NALF1: variants seen among roughly 807,000 people sequenced by gnomAD.
NALF1 encodes the protein NALCN channel auxiliary factor 1, also known as family with sequence similarity 155 member A.
A neutral mutation model predicts 48.4 loss-of-function variants in NALF1; 3 were observed. That is an observed-to-expected ratio of 0.06 (90% CI 0.03 to 0.16). NALF1 has a LOEUF of 0.16. Ranked by LOEUF, NALF1 falls within the 10% of genes least tolerant of loss-of-function variation. The pLI is 1.00. For synonymous variants in NALF1, 262 were observed against 245.7 expected (o/e 1.07, Z -0.62); for missense variants, 526 against 571.5 (o/e 0.92, Z 0.81).
At chr13:107,738,263 C>T (rs199893724) in intron 1 of NALF1, among the ~76,000 whole-genome samples, 1 of 152,108 alleles carries the variant, frequency 6.6e-6, no homozygotes, top group East Asian at 1.9e-4. Context: ...AGAATGTTCC[C>T]CCAATTGATA....
intron 1 of NALF1, among the ~76,000 whole-genome samples, chr13:107,349,913 C>A (rs755013335): frequency 4.6e-5 from 7 of 152,036 alleles, no homozygotes; most frequent in Non-Finnish European, 8.8e-5. Flanking sequence ...TCATGGAGGA[C>A]AATTTTTTCA....
Position 107,475,201 on chromosome 13 carries a change from G to A in NALF1, c.916-264446C>T, listed in dbSNP as rs186600071. 2.7e-4 allele frequency among the ~76,000 whole-genome samples: 41 copies of A among 152,256 alleles called. No individual in the cohort carries two copies. The East Asian group carries it at 3.5e-3, about 13-fold the overall frequency. ...TCATCCGAACATTATATTTGAACTC[G>A]GCTATCATTCATTGAACACATGTGG... On this transcript the variant is annotated intron_variant, in intron 1 of 2. Coordinates refer to ENST00000375915, the MANE Select transcript of NALF1 (RefSeq NM_001080396.3).
chr13:107,313,695 C>A (rs1882088435), intron 1 of NALF1, among the ~76,000 whole-genome samples: 1 of 152,146 alleles, frequency 6.6e-6, no homozygotes, highest in Admixed American at 6.5e-5. Flanking sequence ...TTCACTGAGC[C>A]TGACTAAGGC....
intron 1 of NALF1, among the ~76,000 whole-genome samples, chr13:107,594,114 C>A (rs988626314): frequency 1.3e-5 from 2 of 152,010 alleles, no homozygotes; most frequent in Non-Finnish European, 2.9e-5. Flanking sequence ...GACACTCTAA[C>A]AAGCCCTTCT....
At chr13:107,333,366 C>CA (rs1207315142) in intron 1 of NALF1, among the ~76,000 whole-genome samples, 1 of 152,052 alleles carries the variant, frequency 6.6e-6, no homozygotes, top group African/African-American at 2.4e-5. Flanking sequence ...GTAAAATCAC[C>CA]AAAAAAAGCA....
chr13:107,548,224 T>C (rs900978344), intron 1 of NALF1, among the ~76,000 whole-genome samples: 6 of 152,148 alleles, frequency 3.9e-5, no homozygotes, highest in Non-Finnish European at 7.3e-5. Flanking sequence ...CAAGTGGTAT[T>C]TGGTTTTTTC....
intron 1 of NALF1, among the ~76,000 whole-genome samples, chr13:107,648,618 C>A (rs1880372198): frequency 1.3e-5 from 2 of 152,056 alleles, no homozygotes; most frequent in Admixed American, 6.6e-5. Flanking sequence ...CAAGTTTTAG[C>A]AAATATAAAT....
At chr13:107,587,084 A>C (rs1330295590) in intron 1 of NALF1, among the ~76,000 whole-genome samples, 1 of 152,082 alleles carries the variant, frequency 6.6e-6, no homozygotes, top group Non-Finnish European at 1.5e-5. Context: ...TGATACTTCT[A>C]CTTAGAACTG....
intron 1 of NALF1, among the ~76,000 whole-genome samples, chr13:107,815,824 T>C (rs1435121234): frequency 6.6e-6 from 1 of 152,178 alleles, no homozygotes; most frequent in African/African-American, 2.4e-5. Flanking sequence ...ACTGCAACAC[T>C]GATATATACT....
At chr13:107,275,306 A>G (rs1881258180) in intron 1 of NALF1, among the ~76,000 whole-genome samples, 1 of 152,148 alleles carries the variant, frequency 6.6e-6, no homozygotes, top group Non-Finnish European at 1.5e-5. Context: ...TGTATCAATT[A>G]AGAGGGTTTA....
At chr13:107,809,313 C>T (rs1054396939) in intron 1 of NALF1, among the ~76,000 whole-genome samples, 2 of 152,082 alleles carry the variant, frequency 1.3e-5, no homozygotes, top group African/African-American at 4.8e-5. Context: ...CATCCCTCCT[C>T]TTGTGCAATC....
At chr13:107,500,795 T>C (rs1875497130) in intron 1 of NALF1, among the ~76,000 whole-genome samples, 1 of 151,922 alleles carries the variant, frequency 6.6e-6, no homozygotes, top group African/African-American at 2.4e-5. Context: ...TGAGTTCATG[T>C]CCTTTGTAGG....
At chr13:107,702,087 GAA>G (rs1006978808) in intron 1 of NALF1, among the ~76,000 whole-genome samples, 77 of 152,280 alleles carry the variant, frequency 5.1e-4, no homozygotes, top group African/African-American at 1.8e-3. Flanking sequence ...CTAAAACAGA[GAA>G]AGAGTAAAGG....
intron 1 of NALF1, among the ~76,000 whole-genome samples, chr13:107,774,111 G>A (rs1877658085): frequency 1.3e-5 from 2 of 152,156 alleles, no homozygotes; most frequent in African/African-American, 4.8e-5. Context: ...AAGGTGAGAA[G>A]AACAGTTACT....
intron 1 of NALF1, among the ~76,000 whole-genome samples, chr13:107,573,944 T>C (rs1223130955): frequency 6.6e-6 from 1 of 152,174 alleles, no homozygotes; most frequent in East Asian, 1.9e-4. Flanking sequence ...CTTGGGTATG[T>C]CTTTATTAGC....
intron 1 of NALF1, among the ~76,000 whole-genome samples, chr13:107,354,669 CT>C (rs1358522630): frequency 6.6e-6 from 1 of 152,152 alleles, no homozygotes; most frequent in African/African-American, 2.4e-5. Context: ...AGAATAAGTA[CT>C]TTTTTAGAAC....
In NALF1 at chr13:107,168,314, A is replaced by AAAGT. The variant is rs1223928603; in HGVS notation, c.*2179_*2182dup. The stretch of plus-strand genomic sequence containing the variant: ...GTATTCCACCATTGGTTGGGATACC[A>AAAGT]AAGTGCTCATTTCTACAAGTGTTTC... On this transcript the variant is annotated 3_prime_UTR_variant, in exon 3 of 3. Transcript: ENST00000375915. 1.3e-5 allele frequency: 2 copies of AAAGT among 152,222 alleles called. No homozygotes were observed. The highest frequency in any genetic ancestry group is 2.9e-5 in the Non-Finnish European group (2 of 68,052). 9.4% of individuals were successfully genotyped at this position (152,222 alleles called of 1,614,324 possible).
chr13:107,795,243 T>C (rs1395546630), intron 1 of NALF1, among the ~76,000 whole-genome samples: 1 of 152,150 alleles, frequency 6.6e-6, no homozygotes, highest in African/African-American at 2.4e-5. Context: ...TTTCTCATTC[T>C]CAGGCAACAA....
chr13:107,466,754 G>T (rs1423382859), intron 1 of NALF1: 2 of 152,178 alleles, frequency 1.3e-5, no homozygotes, highest in East Asian at 3.9e-4. Flanking sequence ...AAAGAAATTA[G>T]GCTAATCTGG....
Sources: allele counts gnomAD v4.1 joint callset (sites outside exome capture counted in the v4.1 genomes callset), GRCh38; gene constraint gnomAD v4.1.1; transcripts MANE v1.5; gene names NCBI Gene and HGNC (gene_info 2026-07-23, HGNC 2026-07-21).